Variants in SLC4A7 observed in about 807,000 individuals in gnomAD.
SLC4A7 encodes sodium bicarbonate cotransporter 3.
A neutral mutation model predicts 137.6 loss-of-function variants in SLC4A7; 51 were observed. That is an observed-to-expected ratio of 0.37 (90% CI 0.30 to 0.47). The LOEUF is 0.47. Among genes scored for constraint, SLC4A7 ranks in the 20% least tolerant of loss-of-function variants. SLC4A7 has a pLI of 1.00. For synonymous variants in SLC4A7, 542 were observed against 518.6 expected (o/e 1.05, Z -0.61); for missense variants, 1,247 against 1,525.4 (o/e 0.82, Z 3.04).
chr3:27,383,065 G>C, intron 24 of SLC4A7, 88 bp downstream of exon 24: 1 of 785,032 alleles, frequency 1.3e-6, no homozygotes, highest in Non-Finnish European at 2.2e-6. Flanking sequence ...TTATAAAATA[G>C]AAATCATCAC....
At chr3:27,416,200 T>C (rs555574238) in intron 11 of SLC4A7, among the ~76,000 whole-genome samples, 75 of 152,334 alleles carry the variant, frequency 4.9e-4, no homozygotes, top group African/African-American at 1.7e-3. Context: ...AAACTGCTGA[T>C]GTGGAGACGA....
intron 3 of SLC4A7, among the ~76,000 whole-genome samples, chr3:27,442,035 C>G (rs893827012): frequency 6.6e-6 from 1 of 151,802 alleles, no homozygotes; most frequent in Admixed American, 6.6e-5. Context: ...CACGTGCCAC[C>G]ACACCTGGCT....
intron 13 of SLC4A7, among the ~76,000 whole-genome samples, chr3:27,407,992 A>G (rs1265548413): frequency 7.2e-5 from 11 of 152,142 alleles, no homozygotes. Context: ...TAACTAATAC[A>G]TATCCTTTTC....
rs1444311055 is a variant in SLC4A7, at chr3:27,374,403, T to G, written c.*2361A>C. The G allele has an allele frequency of 6.6e-6, 1 of 152,528 alleles. No homozygotes were observed. Among genetic ancestry groups the G allele is most frequent in the Non-Finnish European group, 1.5e-5 (1 of 67,936 alleles). 9.4% of individuals were successfully genotyped at this position (152,528 alleles called of 1,614,324 possible). A position where few individuals can be genotyped will look rare whatever the true frequency, so the allele number is the denominator to read the frequency against. On this transcript the variant is annotated 3_prime_UTR_variant, in exon 26 of 26. Coordinates refer to ENST00000454389, the MANE Select transcript of SLC4A7 (RefSeq NM_001321103.2). Reference sequence around the variant, plus strand: ...ATACACTTATTTAAGGCAACTTTATTTAAAAATCAATATATGTAGTAAATT... The same window carrying G: ...ATACACTTATTTAAGGCAACTTTATGTAAAAATCAATATATGTAGTAAATT...
intron 1 of SLC4A7, among the ~76,000 whole-genome samples, chr3:27,460,878 T>TA (rs2058662044): frequency 6.6e-6 from 1 of 152,210 alleles, no homozygotes. Flanking sequence ...TCTGGCTCAA[T>TA]AATTTCATCA....
At position 27,398,206 on chromosome 3, in the gene SLC4A7, A is replaced by G. The variant is rs1471801843; in HGVS notation, c.2575T>C (p.Tyr859His). 6.2e-7 allele frequency: 1 copy of G among 1,609,544 alleles called. No individual in the cohort carries two copies. The highest frequency in any genetic ancestry group is 2.2e-5 in the East Asian group (1 of 44,822). ...SFLKQFKTKR[Y>H]FPTKVRSTIS... The stretch of plus-strand genomic sequence containing the variant: ...ATCACAGTTACCTTGGTAGGAAAGT[A>G]ACGCTTGGTCTTAAATTGCTTGAGG... The change falls in exon 17 of 26, where the codon TAC becomes CAC. Residue 859 changes from tyrosine to histidine, a missense_variant. Physicochemically the swap from Tyr to His is moderately conservative, Grantham distance 83. This residue lies in a region of SLC4A7 where 499 missense variants were observed against 664.2 expected (regional missense o/e 0.75). Transcript: ENST00000454389.
intron 1 of SLC4A7, among the ~76,000 whole-genome samples, chr3:27,483,544 A>G (rs960086121): frequency 1.3e-5 from 2 of 152,204 alleles, no homozygotes; most frequent in Non-Finnish European, 2.9e-5. Flanking sequence ...GCGGAGCGGG[A>G]GGGGACACTC....
At chr3:27,445,558 A>G (rs1460575134) in intron 3 of SLC4A7, among the ~76,000 whole-genome samples, 2 of 151,984 alleles carry the variant, frequency 1.3e-5, no homozygotes, top group Non-Finnish European at 2.9e-5. Context: ...GCAGTTACAA[A>G]CTTTCAGTTA....
intron 12 of SLC4A7, 48 bp from the exon 13 acceptor site, chr3:27,409,578 A>G (rs2053706660): frequency 1.4e-6 from 2 of 1,472,774 alleles, no homozygotes; most frequent in Non-Finnish European, 1.8e-6. Context: ...AGAGGATTCT[A>G]GCTACTTCAA....
intron 1 of SLC4A7, among the ~76,000 whole-genome samples, chr3:27,480,033 G>A (rs2059644492): frequency 6.6e-6 from 1 of 152,096 alleles, no homozygotes; most frequent in Non-Finnish European, 1.5e-5. Flanking sequence ...AGAATATATT[G>A]GTTAGCACAC....
In SLC4A7 at chr3:27,424,169, A is replaced by G; in HGVS notation, c.1151-17T>C. ...CCAAAATACCTATGTTTAAAGACAA[A>G]TTCCAAATTAGTAAGGAGAAAATTC... is the stretch of plus-strand genomic sequence containing the variant. On this transcript the variant is annotated splice_polypyrimidine_tract_variant and intron_variant, in intron 7 of 25. Coordinates refer to ENST00000454389, the MANE Select transcript of SLC4A7 (RefSeq NM_001321103.2). 1 of 1,334,100 alleles carries G rather than the reference A, an allele frequency of 7.5e-7. No homozygotes were observed. Among genetic ancestry groups the G allele is most frequent in the South Asian group, 1.3e-5 (1 of 79,670 alleles). The allele number at this position is 1,334,100 out of a possible 1,614,324, so 82.6% of individuals were successfully genotyped here. A position where few individuals can be genotyped will look rare whatever the true frequency, so the allele number is the denominator to read the frequency against.
intron 15 of SLC4A7, chr3:27,401,115 G>A (rs958349817): frequency 6.7e-6 from 2 of 297,744 alleles, no homozygotes; most frequent in Non-Finnish European, 1.2e-5. Context: ...TCCTTGGTGA[G>A]GGCACTATTT....
intron 5 of SLC4A7, among the ~76,000 whole-genome samples, chr3:27,435,815 A>G (rs1177984432): frequency 6.6e-6 from 1 of 152,148 alleles, no homozygotes; most frequent in African/African-American, 2.4e-5. Flanking sequence ...CACTCCATCC[A>G]GCCTGGATGA....
chr3:27,423,041 G>C (rs555613084), intron 8 of SLC4A7, among the ~76,000 whole-genome samples: 1 of 152,266 alleles, frequency 6.6e-6, no homozygotes, highest in East Asian at 1.9e-4. Flanking sequence ...AATAACATGA[G>C]CACCAGTAAA....
intron 1 of SLC4A7, among the ~76,000 whole-genome samples, chr3:27,473,189 C>T (rs1027742349): frequency 6.6e-6 from 1 of 152,018 alleles, no homozygotes; most frequent in South Asian, 2.1e-4. Context: ...GTCTCAGCTA[C>T]TTAGGTGGCT....
chr3:27,482,291 T>A (rs1343833231), intron 1 of SLC4A7, among the ~76,000 whole-genome samples: 1 of 152,362 alleles, frequency 6.6e-6, no homozygotes, highest in Non-Finnish European at 1.5e-5. Flanking sequence ...CCTTATCACA[T>A]GCTTTCTCTA....
intron 14 of SLC4A7, among the ~76,000 whole-genome samples, chr3:27,403,876 T>C (rs2053056817): frequency 1.3e-5 from 2 of 152,212 alleles, no homozygotes; most frequent in Non-Finnish European, 2.9e-5. Flanking sequence ...TGATTTCTTA[T>C]TTTAAACTTC....
chr3:27,414,717 CTCA>C (rs2054222533), intron 11 of SLC4A7, among the ~76,000 whole-genome samples: 1 of 152,134 alleles, frequency 6.6e-6, no homozygotes. Context: ...TATCTTTGTC[CTCA>C]TCACCAGTAC....
intron 1 of SLC4A7, chr3:27,456,755 C>G: frequency 6.3e-7 from 1 of 1,584,598 alleles, no homozygotes; most frequent in Non-Finnish European, 8.5e-7. Flanking sequence ...GGACAGTGAG[C>G]ACATATCTGA....
Sources: allele counts gnomAD v4.1 joint callset (sites outside exome capture counted in the v4.1 genomes callset), GRCh38; gene constraint gnomAD v4.1.1; regional missense constraint gnomAD v4.1.1; transcripts MANE v1.5; gene names NCBI Gene and HGNC (gene_info 2026-07-23, HGNC 2026-07-21).